Variants in BIRC6 observed in about 807,000 individuals in gnomAD.
The protein encoded by BIRC6 is dual E2 ubiquitin-conjugating enzyme/E3 ubiquitin-protein ligase BIRC6.
Under a neutral mutation model 503.3 loss-of-function variants are expected in BIRC6, and 98 were observed. That is an observed-to-expected ratio of 0.19 (90% CI 0.17 to 0.23). The LOEUF is 0.23. Ranked by LOEUF, BIRC6 falls within the 10% of genes least tolerant of loss-of-function variation. The pLI, the probability that BIRC6 is intolerant of heterozygous loss-of-function variation, is 1.00. For missense variants in BIRC6, 5,360 were observed against 5,806.0 expected (o/e 0.92, Z 2.50); for synonymous variants, 2,240 against 2,078.7 (o/e 1.08, Z -2.11).
In BIRC6 at chr2:32,464,560, G is replaced by T; in HGVS notation, c.4993G>T (p.Ala1665Ser). ...LHQTTAAAAA[A>S]ASAVGPVHNS... ...TCAGACAACAGCTGCAGCAGCTGCA[G>T]CAGCATCAGCAGTAGGTCCTGTTCA... Residue 1665 changes from alanine (A) to serine (S), a missense_variant, in exon 25 of 74, where the codon GCA becomes TCA. By Grantham distance (99) the Ala-to-Ser change is moderately conservative. Around this residue, in one of 16 missense-constraint regions of BIRC6, gnomAD observed 2,299 missense variants for 2,267.2 expected, o/e 1.01. Transcript: ENST00000421745. The T allele has an allele frequency of 1.9e-6, 3 of 1,605,362 alleles. No individual in the cohort carries two copies. The highest frequency in any genetic ancestry group is 2.6e-6 in the Non-Finnish European group (3 of 1,175,322).
intron 12 of BIRC6, 23 bp from the exon 13 acceptor site, chr2:32,433,621 G>A: frequency 6.6e-7 from 1 of 1,522,076 alleles, no homozygotes; most frequent in Non-Finnish European, 8.9e-7. Context: ...GCTTTATTTA[G>A]CATTTTTCCC....
Position 32,357,441 on chromosome 2 carries a change from A to G in BIRC6, c.280A>G (p.Ile94Val). The G allele has an allele frequency of 6.5e-7, 1 of 1,550,176 alleles. No individual in the cohort carries two copies. Residue 94 changes from isoleucine (I) to valine (V), a missense_variant, in exon 1 of 74, where the codon ATC becomes GTC. Physicochemically the swap from Ile to Val is conservative, Grantham distance 29. This residue lies in a region of BIRC6 where 47 missense variants were observed against 93.3 expected (regional missense o/e 0.50). Transcript: ENST00000421745. The surrounding 1 kb of genome is among the most constrained non-coding windows in gnomAD (Gnocchi z 4.9). ...CACTAGCCGCGGGACCATCAAAGTC[A>G]TCGACGGCACCTCGGGGGCCACACT... ...AVTSRGTIKV[I>V]DGTSGATLQA...
At chr2:32,406,705 G>A in intron 9 of BIRC6, 148 bp downstream of exon 9, 1 of 555,822 alleles carries the variant, frequency 1.8e-6, no homozygotes, top group Non-Finnish European at 3.2e-6. Flanking sequence ...TTGTGTGTCA[G>A]AGATCTCAAA....
intron 64 of BIRC6, among the ~76,000 whole-genome samples, chr2:32,548,364 AC>A (rs1559029375): frequency 1.9e-4 from 13 of 68,024 alleles, no homozygotes; most frequent in Admixed American, 3.2e-4. Context: ...TTGGTTGCTT[AC>A]TTTTTTTTTT....
chr2:32,569,794 C>A (rs914503962), intron 65 of BIRC6, among the ~76,000 whole-genome samples: 1 of 151,572 alleles, frequency 6.6e-6, no homozygotes, highest in Non-Finnish European at 1.5e-5. Context: ...TATCCTGAAT[C>A]TTTATTGAAT....
At chr2:32,406,392 C>T in intron 8 of BIRC6, 107 bp from the exon 9 acceptor site, 1 of 751,500 alleles carries the variant, frequency 1.3e-6, no homozygotes, top group South Asian at 1.7e-5. Context: ...GACTGAGACC[C>T]TGTCTCAAAA....
chr2:32,613,461 G>A (rs551739794), intron 73 of BIRC6, among the ~76,000 whole-genome samples: 39 of 151,668 alleles, frequency 2.6e-4, no homozygotes, highest in Admixed American at 9.9e-4. Context: ...GCTCACTGCA[G>A]CCTTAACCTC....
intron 61 of BIRC6, among the ~76,000 whole-genome samples, chr2:32,534,730 CAAAAAAAAAA>C (rs770672789): frequency 3.2e-3 from 71 of 22,318 alleles, no homozygotes; most frequent in African/African-American, 8.7e-3. Flanking sequence ...GACTCTGTCT[CAAAAAAAAAA>C]AAAAAAAAAA....
intron 17 of BIRC6, among the ~76,000 whole-genome samples, 187 bp downstream of exon 17, chr2:32,441,649 C>A (rs955347730): frequency 6.6e-6 from 1 of 151,664 alleles, no homozygotes. Context: ...CTCTAGTGTC[C>A]GCACAGTGCT....
intron 23 of BIRC6, among the ~76,000 whole-genome samples, chr2:32,454,961 A>G (rs926981824): frequency 1.3e-5 from 2 of 152,220 alleles, no homozygotes; most frequent in Non-Finnish European, 2.9e-5. Flanking sequence ...TTCTTGGACT[A>G]TATAGTCATT....
intron 33 of BIRC6, 135 bp downstream of exon 33, chr2:32,473,374 G>A: frequency 1.5e-6 from 1 of 679,768 alleles, no homozygotes; most frequent in African/African-American, 1.8e-5. Context: ...CTAACACTTT[G>A]GAGACTTCAA....
At chr2:32,396,464 G>A (rs904501752) in intron 6 of BIRC6, among the ~76,000 whole-genome samples, 1 of 152,128 alleles carries the variant, frequency 6.6e-6, no homozygotes, top group African/African-American at 2.4e-5. Context: ...AAAACGTATT[G>A]CAGTGTACCT....
chr2:32,550,205 T>G (rs1191404549), intron 65 of BIRC6, among the ~76,000 whole-genome samples: 1 of 152,200 alleles, frequency 6.6e-6, no homozygotes, highest in Non-Finnish European at 1.5e-5. Flanking sequence ...TTATGAAAAT[T>G]TACATGTATA....
chr2:32,525,435 G>A (rs1244072563), intron 58 of BIRC6, 29 bp from the exon 59 acceptor site: 1 of 1,612,806 alleles, frequency 6.2e-7, no homozygotes, highest in African/African-American at 1.3e-5. Flanking sequence ...TGTTGACTAT[G>A]TAGAATCTTA....
Position 32,357,537 on chromosome 2 carries a change from C to T in BIRC6, c.325+51C>T. 2.6e-6 allele frequency: 4 copies of T among 1,520,910 alleles called. No individual in the cohort carries two copies. Among genetic ancestry groups the T allele is most frequent in the South Asian group, 2.5e-5 (2 of 81,456 alleles). The allele number at this position is 1,520,910 out of a possible 1,614,324, so 94.2% of individuals were successfully genotyped here. Reference sequence around the variant, plus strand: ...CGCGAAGCCGGGGAAAGAAGCCGTCCAGCCCCGGGGCTCGGCCTCGCGACT... The same window carrying T: ...CGCGAAGCCGGGGAAAGAAGCCGTCTAGCCCCGGGGCTCGGCCTCGCGACT... On this transcript the variant is annotated intron_variant, in intron 1 of 73. Transcript: ENST00000421745. The surrounding 1 kb of genome is among the most constrained non-coding windows in gnomAD (Gnocchi z 4.9).
Position 32,543,496 on chromosome 2 carries a change from T to A in BIRC6, c.12547T>A (p.Cys4183Ser). 6.2e-7 allele frequency: 1 copy of A among 1,614,028 alleles called. No homozygotes were observed. Among genetic ancestry groups the A allele is most frequent in the Non-Finnish European group, 8.5e-7 (1 of 1,179,902 alleles). Residue 4183 changes from cysteine to serine, a missense_variant, in exon 62 of 74, where the codon TGC becomes AGC. Cys to Ser is a moderately radical substitution (Grantham distance 112). This residue lies in a region of BIRC6 where 477 missense variants were observed against 574.4 expected (regional missense o/e 0.83). Coordinates refer to ENST00000421745, the MANE Select transcript of BIRC6 (RefSeq NM_016252.4). ...VLLKERKHAQCLLRLVLGVTD... is the reference protein window; with the variant it reads ...VLLKERKHAQSLLRLVLGVTD... ...ACTGAAAGAGAGAAAACATGCCCAG[T>A]GCCTTCTTCGATTGGTATTGGGAGT...
chr2:32,574,424 A>G (rs564322616), intron 65 of BIRC6, among the ~76,000 whole-genome samples: 1 of 152,164 alleles, frequency 6.6e-6, no homozygotes, highest in South Asian at 2.1e-4. Context: ...GGCCCCAAGT[A>G]TAACTCCTGA....
In BIRC6 at chr2:32,550,520, A is replaced by AT. The variant is rs570193971; in HGVS notation, c.13144+1048dup. Among the ~76,000 whole-genome samples, 24 of 151,654 alleles carry AT rather than the reference A, an allele frequency of 1.6e-4. No homozygotes were observed. In the South Asian group the frequency reaches 3.5e-3, roughly 22 times the overall value. On this transcript the variant is annotated intron_variant, in intron 65 of 73. Transcript: ENST00000421745. The stretch of plus-strand genomic sequence containing the variant: ...TTAAAAAGTAGATGTCAAATGCATA[A>AT]TTTTTTTTTATTAAAATGTTTGAGA...
rs760679474 is a variant in BIRC6, at chr2:32,401,509, A to G, written c.1304A>G (p.Gln435Arg). Residue 435 changes from glutamine (Q) to arginine (R), a missense_variant, in exon 8 of 74, where the codon CAA (glutamine) becomes CGA (arginine). Transcript: ENST00000421745. ...AATGCCTATGATCCAGCAATTGTACAACAGCTTATTCTATCAGGAGACCCA... is the reference window on the plus strand; with the variant it reads ...AATGCCTATGATCCAGCAATTGTACGACAGCTTATTCTATCAGGAGACCCA... Reference protein sequence around the residue: ...EINAYDPAIVQQLILSGDPSS... With the variant: ...EINAYDPAIVRQLILSGDPSS... 5.0e-6 allele frequency: 8 copies of G among 1,613,894 alleles called. No homozygotes were observed. The highest frequency in any genetic ancestry group is 3.4e-6 in the Non-Finnish European group (4 of 1,179,894).
Sources: allele counts gnomAD v4.1 joint callset (sites outside exome capture counted in the v4.1 genomes callset), GRCh38; gene constraint gnomAD v4.1.1; regional missense constraint gnomAD v4.1.1; non-coding constraint Gnocchi (gnomAD v3.1); transcripts MANE v1.5; gene names NCBI Gene and HGNC (gene_info 2026-07-23, HGNC 2026-07-21).